The following DNER variants were observed in gnomAD, a reference collection of about 807,000 sequenced individuals.
DNER encodes the protein delta/notch like EGF repeat containing, also known as delta and Notch-like epidermal growth factor-related receptor.
DNER carries 33 observed loss-of-function variants against 78.2 expected under a neutral mutation model. The ratio of observed to expected loss-of-function variants is 0.42; its 90% CI spans 0.32 to 0.56. The LOEUF (loss-of-function observed/expected upper bound fraction) is 0.56. Ranked by LOEUF, DNER falls within the 20% of genes least tolerant of loss-of-function variation. The pLI is 0.11. For synonymous variants in DNER, 417 were observed against 384.8 expected, an observed-to-expected ratio of 1.08 and a Z score of -0.98; for missense variants, 918 against 975.3, an observed-to-expected ratio of 0.94 and a Z score of 0.78.
At chr2:229,536,311 G>A (rs1057363384) in intron 5 of DNER, among the ~76,000 whole-genome samples, 6 of 152,186 alleles carry the variant, frequency 3.9e-5, no homozygotes, top group African/African-American at 7.2e-5. Flanking sequence ...CAGCAGGGAC[G>A]CATCCGTGTC....
intron 1 of DNER, among the ~76,000 whole-genome samples, chr2:229,652,938 T>C (rs1001444076): frequency 2.0e-5 from 3 of 151,942 alleles, no homozygotes; most frequent in Non-Finnish European, 4.4e-5. Flanking sequence ...TGTTAATGAG[T>C]GGGGTCGGGG....
At chr2:229,667,931 C>G (rs1363375683) in intron 1 of DNER, among the ~76,000 whole-genome samples, 2 of 152,170 alleles carry the variant, frequency 1.3e-5, no homozygotes, top group East Asian at 3.8e-4. Context: ...TTAATTTGGC[C>G]ATGGAGGGAC....
intron 7 of DNER, among the ~76,000 whole-genome samples, chr2:229,471,141 G>T (rs1051471031): frequency 7.5e-5 from 11 of 146,374 alleles, no homozygotes; most frequent in African/African-American, 2.5e-4. Flanking sequence ...TAGGGTGCTG[G>T]AAAAAAAAAA....
At chr2:229,654,708 T>C (rs1187857200) in intron 1 of DNER, among the ~76,000 whole-genome samples, 1 of 152,154 alleles carries the variant, frequency 6.6e-6, no homozygotes, top group Non-Finnish European at 1.5e-5. Context: ...AACAACAAGA[T>C]GAAGAGGTTC....
In DNER at chr2:229,625,631, A is replaced by T. The variant is rs141565675; in HGVS notation, c.277-33743T>A. Among the ~76,000 whole-genome samples, 5 of 152,354 alleles carry T rather than the reference A, an allele frequency of 3.3e-5. No homozygotes were observed. The East Asian group carries it at 9.6e-4, about 29-fold the overall frequency. ...CTTATCAAAAGCTTACAGATTATAT[A>T]AGTTGGGCACATTATCAATAGGAAA... On this transcript the variant is annotated intron_variant, in intron 1 of 12. Transcript: ENST00000341772.
intron 1 of DNER, among the ~76,000 whole-genome samples, chr2:229,655,329 A>G (rs1486270553): frequency 2.0e-5 from 3 of 152,190 alleles, no homozygotes; most frequent in Non-Finnish European, 4.4e-5. Context: ...ACTGGTAAAA[A>G]AAGAAAACAA....
chr2:229,642,442 A>C (rs1698642437), intron 1 of DNER, among the ~76,000 whole-genome samples: 1 of 152,238 alleles, frequency 6.6e-6, no homozygotes, highest in South Asian at 2.1e-4. Flanking sequence ...AAAAAAAGCA[A>C]AGTGAAATGG....
In DNER at chr2:229,688,904, C is replaced by T. The variant is rs141208095; in HGVS notation, c.276+25244G>A. Among the ~76,000 whole-genome samples the T allele has an allele frequency of 1.4e-3, 210 of 152,234 alleles. 2 individuals are homozygous for T. Among genetic ancestry groups the T allele is most frequent in the Non-Finnish European group, 1.5e-3 (105 of 68,012 alleles). On this transcript the variant is annotated intron_variant, in intron 1 of 12. Transcript: ENST00000341772. ...TAACACAGGAACAGAAAATCAAACA[C>T]GGCATGTTCTCGCTTATTAGTGGGA...
At chr2:229,560,275 G>A (rs560190214) in intron 4 of DNER, among the ~76,000 whole-genome samples, 1 of 152,314 alleles carries the variant, frequency 6.6e-6, no homozygotes, top group African/African-American at 2.4e-5. Flanking sequence ...GAAAGCATAA[G>A]TGGAAAATAG....
intron 1 of DNER, among the ~76,000 whole-genome samples, chr2:229,644,957 G>A (rs138120689): frequency 1.9e-3 from 286 of 152,204 alleles, no homozygotes; most frequent in Non-Finnish European, 3.2e-3. Context: ...CAGACCCTTA[G>A]GATGGCACTA....
intron 1 of DNER, among the ~76,000 whole-genome samples, chr2:229,660,748 G>A (rs1180024328): frequency 6.6e-6 from 1 of 152,128 alleles, no homozygotes; most frequent in Non-Finnish European, 1.5e-5. Context: ...AAAATGCAGT[G>A]ATCAGTCTAT....
intron 10 of DNER, among the ~76,000 whole-genome samples, chr2:229,391,791 C>T (rs1693021994): frequency 6.6e-6 from 1 of 152,158 alleles, no homozygotes; most frequent in Non-Finnish European, 1.5e-5. Context: ...GATCTGCCCA[C>T]CTCACCCTCC....
chr2:229,542,770 G>A lies in DNER; in HGVS notation c.993+4177C>T, dbSNP rs1228907131. Among the ~76,000 whole-genome samples, 19 of 81,214 alleles carry A rather than the reference G, an allele frequency of 2.3e-4. No individual in the cohort carries two copies. The East Asian group carries it at 6.4e-3, about 27-fold the overall frequency. 53.3% of individuals were successfully genotyped at this position (81,214 alleles called of 152,430 possible). On this transcript the variant is annotated intron_variant, in intron 5 of 12. Transcript: ENST00000341772. Reference sequence around the variant, plus strand: ...ATCATAAAAAGTCACAGGAACCCAAGTAGGCAAAAAAAAAAAAAAAAAAAA... The same window carrying A: ...ATCATAAAAAGTCACAGGAACCCAAATAGGCAAAAAAAAAAAAAAAAAAAA...
chr2:229,709,513 G>A (rs1699880146), intron 1 of DNER, among the ~76,000 whole-genome samples: 1 of 152,138 alleles, frequency 6.6e-6, no homozygotes. Context: ...GTAAAGTCCA[G>A]TAACAAAGAC....
In DNER at chr2:229,669,896, C is replaced by T. The variant is rs545024688; in HGVS notation, c.276+44252G>A. Among the ~76,000 whole-genome samples the T allele has an allele frequency of 1.1e-3, 168 of 152,242 alleles. 2 individuals carry two copies. The Middle Eastern group carries it at 0.017, about 15-fold the overall frequency. On this transcript the variant is annotated intron_variant, in intron 1 of 12. Coordinates refer to ENST00000341772, the MANE Select transcript of DNER (RefSeq NM_139072.4). ...ATAACACACAGGTTGAGGGTTCTTG[C>T]TCAATGAGTATGAGAACACAGGAAT...
At chr2:229,621,705 C>A (rs1698254096) in intron 1 of DNER, among the ~76,000 whole-genome samples, 2 of 152,202 alleles carry the variant, frequency 1.3e-5, no homozygotes, top group South Asian at 4.1e-4. Context: ...CTGGCCTGAC[C>A]CTCACTCCTT....
intron 1 of DNER, among the ~76,000 whole-genome samples, chr2:229,657,877 A>G (rs1698937384): frequency 6.6e-6 from 1 of 152,130 alleles, no homozygotes; most frequent in Admixed American, 6.5e-5. Flanking sequence ...GCAACTTCCT[A>G]AATTTCAGGG....
chr2:229,588,447 G>A lies in DNER; in HGVS notation c.627C>T (p.Ser209=). The change falls in exon 3 of 13, where the codon AGC becomes AGT. Residue 209 remains serine, a synonymous_variant. Coordinates refer to ENST00000341772, the MANE Select transcript of DNER (RefSeq NM_139072.4). ...AGGATACCAGGCGGCCACCCGCAGA[G>A]CTGTTAGAACTGGCATTCCCACAGG... ...DIACGNASSN[S]SAGGRLVSFE... 1 of 1,606,830 alleles carries A rather than the reference G, an allele frequency of 6.2e-7. No homozygotes were observed. Among genetic ancestry groups the A allele is most frequent in the Non-Finnish European group, 8.5e-7 (1 of 1,176,250 alleles).
At chr2:229,501,891 G>C (rs1474609115) in intron 6 of DNER, among the ~76,000 whole-genome samples, 1 of 152,324 alleles carries the variant, frequency 6.6e-6, no homozygotes, top group Middle Eastern at 3.4e-3. Flanking sequence ...GCAGCTCATA[G>C]TTGACCAACA....
Sources: gnomAD v4.1 joint callset for allele counts (sites outside exome capture counted in the v4.1 genomes callset) on GRCh38, gnomAD v4.1.1 for gene constraint, MANE v1.5 for transcripts, NCBI Gene and HGNC (gene_info 2026-07-23, HGNC 2026-07-21) for gene names.